CSMD2: variants seen among roughly 807,000 people sequenced by gnomAD.
CSMD2 encodes the protein CUB and Sushi multiple domains 2, also known as CUB and sushi domain-containing protein 2.
A neutral mutation model predicts 398.5 loss-of-function variants in CSMD2; 130 were observed. The observed-to-expected ratio is 0.33, with a 90% CI of 0.28 to 0.38. CSMD2 has a LOEUF of 0.38. Ranked by LOEUF, CSMD2 falls within the 10% of genes least tolerant of loss-of-function variation. CSMD2 has a pLI of 1.00. For missense variants in CSMD2, 3,829 were observed against 4,764.9 expected, an observed-to-expected ratio of 0.80 and a Z score of 5.78; for synonymous variants, 1,828 against 1,908.5, an observed-to-expected ratio of 0.96 and a Z score of 1.10.
intron 44 of CSMD2, among the ~76,000 whole-genome samples, chr1:33,596,816 A>C (rs1639871111): frequency 6.6e-6 from 1 of 152,228 alleles, no homozygotes; most frequent in Admixed American, 6.5e-5. Flanking sequence ...GTGGGGACAC[A>C]GCCAAACCAT....
Position 33,541,194 on chromosome 1 carries a change from A to G in CSMD2, c.9393T>C (p.His3131=), listed in dbSNP as rs756841527. ...TGGTGCAGCTCAGCACAGATACTCT[A>G]TGTGACTCCATCATATAGCCAGGGA... ...QCVPGYMMES[H]RVSVLSCTKD... Residue 3131 remains histidine (H), a synonymous_variant, in exon 59 of 71, where the codon CAT becomes CAC. Transcript: ENST00000373381. The G allele has an allele frequency of 6.8e-6, 11 of 1,614,114 alleles. No homozygotes were observed. Among genetic ancestry groups the G allele is most frequent in the Non-Finnish European group, 9.3e-6 (11 of 1,180,008 alleles).
chr1:33,755,203 ATTG>A (rs955842296), intron 13 of CSMD2, among the ~76,000 whole-genome samples: 17 of 152,116 alleles, frequency 1.1e-4, no homozygotes, highest in Middle Eastern at 3.2e-3. Flanking sequence ...TGATTCAGCT[ATTG>A]TTGAGCTGGA....
chr1:34,042,755 C>T (rs1303838833), intron 2 of CSMD2, among the ~76,000 whole-genome samples: 2 of 152,146 alleles, frequency 1.3e-5, no homozygotes, highest in Non-Finnish European at 2.9e-5. Flanking sequence ...CAGCTCATGG[C>T]TCTCTCCCCT....
intron 3 of CSMD2, among the ~76,000 whole-genome samples, chr1:33,979,173 G>A (rs1341088133): frequency 1.3e-5 from 2 of 152,028 alleles, no homozygotes; most frequent in Non-Finnish European, 2.9e-5. Flanking sequence ...GGTTCTCCTT[G>A]CCCACCCCAT....
chr1:33,724,363 C>A (rs752817322), intron 18 of CSMD2, 50 bp from the exon 19 acceptor site: 1 of 1,513,632 alleles, frequency 6.6e-7, no homozygotes, highest in Middle Eastern at 1.8e-4. Flanking sequence ...CCTCAGGGAG[C>A]ACCCCCGTCA....
chr1:33,572,464 C>T, intron 50 of CSMD2, 42 bp downstream of exon 50: 1 of 1,486,416 alleles, frequency 6.7e-7, no homozygotes, highest in East Asian at 2.4e-5. Context: ...AGCTGCCTAC[C>T]TAGCCCTTCC....
intron 11 of CSMD2, among the ~76,000 whole-genome samples, chr1:33,790,825 CT>C (rs1405428755): frequency 1.2e-4 from 18 of 152,066 alleles, no homozygotes; most frequent in African/African-American, 4.3e-4. Flanking sequence ...ATCTATCTAT[CT>C]ATCTATCTAT....
intron 4 of CSMD2, among the ~76,000 whole-genome samples, chr1:33,930,205 A>C (rs1389680521): frequency 6.6e-6 from 1 of 152,222 alleles, no homozygotes; most frequent in East Asian, 1.9e-4. Flanking sequence ...AAAGTTGTTG[A>C]GTAGCCAAGT....
chr1:33,579,577 G>A (rs1298868987), intron 48 of CSMD2, among the ~76,000 whole-genome samples: 1 of 152,116 alleles, frequency 6.6e-6, no homozygotes, highest in Non-Finnish European at 1.5e-5. Context: ...CTGAGTATGG[G>A]CTGGTCTTGC....
At chr1:33,952,698 A>G (rs983023004) in intron 3 of CSMD2, among the ~76,000 whole-genome samples, 7 of 137,370 alleles carry the variant, frequency 5.1e-5, no homozygotes, top group African/African-American at 2.6e-4. Context: ...ACACACACAC[A>G]CACATGCACA....
In CSMD2 at chr1:33,698,648, G is replaced by A. The variant is rs924378573; in HGVS notation, c.3925+105C>T. The stretch of plus-strand genomic sequence containing the variant: ...ACAAGAGGATTCAGTCCAAGTTGAT[G>A]GCCCCCAGGCCCTGGAGCATGGGGT... On this transcript the variant is annotated intron_variant, in intron 24 of 70. Transcript: ENST00000373381. 4.9e-5 allele frequency: 51 copies of A among 1,040,854 alleles called. No individual in the cohort carries two copies. The South Asian group carries it at 7.7e-4, about 16-fold the overall frequency. The allele number at this position is 1,040,854 out of a possible 1,614,324, so 64.5% of individuals were successfully genotyped here. A position where few individuals can be genotyped will look rare whatever the true frequency, so the allele number is the denominator to read the frequency against.
intron 25 of CSMD2, among the ~76,000 whole-genome samples, chr1:33,691,913 C>T (rs926595314): frequency 8.5e-5 from 13 of 152,158 alleles, no homozygotes; most frequent in African/African-American, 3.1e-4. Flanking sequence ...CATACTGCTA[C>T]CCCAACCTGC....
At chr1:34,048,906 G>A (rs1034750056) in intron 2 of CSMD2, among the ~76,000 whole-genome samples, 20 of 152,166 alleles carry the variant, frequency 1.3e-4, no homozygotes, top group Admixed American at 6.5e-5. Context: ...GGAAGGGAGG[G>A]TCAGGCACCA....
intron 3 of CSMD2, among the ~76,000 whole-genome samples, chr1:33,981,283 T>C (rs570847995): frequency 7.9e-5 from 12 of 152,326 alleles, no homozygotes; most frequent in South Asian, 2.1e-4. Flanking sequence ...GAGTGTGCAG[T>C]CACAGCCCCA....
chr1:33,707,648 A>G (rs1340415650), intron 22 of CSMD2, among the ~76,000 whole-genome samples: 1 of 143,336 alleles, frequency 7.0e-6, no homozygotes, highest in Non-Finnish European at 1.5e-5. Flanking sequence ...ATTAGGTAAG[A>G]GTGAGAAATG....
intron 51 of CSMD2, 49 bp downstream of exon 51, chr1:33,571,482 AG>A: frequency 7.4e-7 from 1 of 1,344,340 alleles, no homozygotes; most frequent in Non-Finnish European, 9.8e-7. Context: ...GAGACAGCTT[AG>A]GTAGGAGGGA....
At position 33,633,974 on chromosome 1, in the gene CSMD2, A is replaced by G. The variant is rs1391445546; in HGVS notation, c.5087-439T>C. On this transcript the variant is annotated intron_variant, in intron 31 of 70. Coordinates refer to ENST00000373381, the MANE Select transcript of CSMD2 (RefSeq NM_001281956.2). The surrounding 1 kb of genome is among the most constrained non-coding windows in gnomAD (Gnocchi z 5.0). ...AGTGTCATTGAGTTGAAAACTGTAT[A>G]CAGAGATCTGTAGTCAGTGCTGTGA... Among the ~76,000 whole-genome samples the G allele has an allele frequency of 6.6e-6, 1 of 152,190 alleles. No homozygotes were observed. Among genetic ancestry groups the G allele is most frequent in the Non-Finnish European group, 1.5e-5 (1 of 68,034 alleles).
rs1165305609 is a variant in CSMD2 at position 33,716,376 on chromosome 1, T to C, written c.3127A>G (p.Ser1043Gly). Residue 1043 changes from serine to glycine, a missense_variant, in exon 20 of 71, where the codon AGC becomes GGC. This residue lies in a region of CSMD2 where 2,001 missense variants were observed against 2,567.1 expected (regional missense o/e 0.78). Coordinates refer to ENST00000373381, the MANE Select transcript of CSMD2 (RefSeq NM_001281956.2). ...GTGAAGTTGCCATAGAGCCCAGCGC[T>C]GATGGGAGCTGGCAGCCGAGATCCA... ...LTGSRLPAPI[S>G]AGLYGNFTAQ... is the part of the protein sequence containing the mutation. The C allele has an allele frequency of 1.2e-6, 2 of 1,614,118 alleles. No homozygotes were observed. Among genetic ancestry groups the C allele is most frequent in the South Asian group, 2.2e-5 (2 of 91,076 alleles).
At chr1:33,542,363 A>C (rs1218084640) in intron 58 of CSMD2, among the ~76,000 whole-genome samples, 2 of 152,194 alleles carry the variant, frequency 1.3e-5, no homozygotes, top group Non-Finnish European at 1.5e-5. Flanking sequence ...GTTTGATTCT[A>C]AGAGATAAAA....
Sources: gnomAD v4.1 joint callset for allele counts (sites outside exome capture counted in the v4.1 genomes callset) on GRCh38, gnomAD v4.1.1 for gene constraint, gnomAD v4.1.1 regional missense constraint, Gnocchi (gnomAD v3.1) non-coding constraint, MANE v1.5 for transcripts, NCBI Gene and HGNC (gene_info 2026-07-23, HGNC 2026-07-21) for gene names.